Variants in RALGAPA1 observed in about 807,000 individuals in gnomAD.
RALGAPA1 encodes ral GTPase-activating protein subunit alpha-1.
In RALGAPA1, 52 loss-of-function variants were observed where a neutral mutation model predicts 269.6. That is an observed-to-expected ratio of 0.19 (90% confidence interval 0.15 to 0.24). RALGAPA1 has a LOEUF of 0.24. Among genes scored for constraint, RALGAPA1 ranks in the 10% least tolerant of loss-of-function variants. The probability of loss-of-function intolerance (pLI) is 1.00; values close to 1 mark genes in which losing one functional copy is unlikely to be tolerated. For synonymous variants in RALGAPA1, 817 were observed against 1,008.3 expected, an observed-to-expected ratio of 0.81 and a Z score of 3.60; for missense variants, 1,917 against 3,013.9, an observed-to-expected ratio of 0.64 and a Z score of 8.52.
At chr14:35,749,291 A>C (rs1429996630) in intron 9 of RALGAPA1, among the ~76,000 whole-genome samples, 10 of 152,180 alleles carry the variant, frequency 6.6e-5, no homozygotes, top group Non-Finnish European at 7.4e-5. Flanking sequence ...CAAAACAAAA[A>C]ACAAAGGAAC....
chr14:35,674,588 A>G lies in RALGAPA1; in HGVS notation c.4746T>C (p.Asn1582=), dbSNP rs776817851. ...CATGTATTTCAGGATCCATGATTGAATTTACATCTCCCAAAATGCCTAGCA... is the reference window on the plus strand; with the variant it reads ...CATGTATTTCAGGATCCATGATTGAGTTTACATCTCCCAAAATGCCTAGCA... ...RRMLGILGDV[N]SIMDPEIHAQ... is the part of the protein sequence containing the mutation. The change falls in exon 23 of 42, where the codon AAT becomes AAC. Residue 1582 remains asparagine (N), a synonymous_variant. Transcript: ENST00000680220. The G allele has an allele frequency of 1.9e-6, 3 of 1,609,166 alleles. No individual in the cohort carries two copies. Among genetic ancestry groups the G allele is most frequent in the South Asian group, 2.2e-5 (2 of 90,024 alleles).
At chr14:35,722,965 G>A in intron 15 of RALGAPA1, 62 bp downstream of exon 15, 1 of 971,694 alleles carries the variant, frequency 1.0e-6, no homozygotes, top group South Asian at 1.8e-5. Context: ...CCCTGGAATG[G>A]TTTTCCCTGA....
chr14:35,682,861 G>T (rs1035041927), intron 21 of RALGAPA1, among the ~76,000 whole-genome samples: 1 of 152,038 alleles, frequency 6.6e-6, no homozygotes, highest in Non-Finnish European at 1.5e-5. Context: ...TTCTGCAATG[G>T]GGCTGCTAAA....
At chr14:35,645,886 G>A (rs2062406195) in intron 31 of RALGAPA1, among the ~76,000 whole-genome samples, 1 of 152,078 alleles carries the variant, frequency 6.6e-6, no homozygotes, top group African/African-American at 2.4e-5. Context: ...AGTGAGTCTG[G>A]AAAATTGTGT....
chr14:35,586,193 G>T (rs2058273216), intron 37 of RALGAPA1, among the ~76,000 whole-genome samples: 1 of 152,098 alleles, frequency 6.6e-6, no homozygotes, highest in Non-Finnish European at 1.5e-5. Context: ...GATTCCTAAG[G>T]TATTTTATTC....
intron 12 of RALGAPA1, among the ~76,000 whole-genome samples, chr14:35,733,188 A>G (rs2070664327): frequency 6.6e-6 from 1 of 152,142 alleles, no homozygotes; most frequent in Admixed American, 6.5e-5. Context: ...AAATTTAAAA[A>G]TTCTTCTGGC....
At chr14:35,682,356 A>G (rs2065516617) in intron 21 of RALGAPA1, among the ~76,000 whole-genome samples, 1 of 150,932 alleles carries the variant, frequency 6.6e-6, no homozygotes, top group African/African-American at 2.4e-5. Context: ...GCTGGAGTGC[A>G]GTGGTGTGAT....
chr14:35,736,270 C>A (rs1284991792), intron 12 of RALGAPA1, among the ~76,000 whole-genome samples: 1 of 152,130 alleles, frequency 6.6e-6, no homozygotes, highest in African/African-American at 2.4e-5. Flanking sequence ...ACAAGGAAGA[C>A]TGCAGGAAAA....
In RALGAPA1 at chr14:35,651,877, T is replaced by C. The variant is rs1353704470; in HGVS notation, c.5608-4A>G. ...GGGTGATGGTAGCTATTAGGATCTG[T>C]AAGCAAAAAAAAATTTTTTTAAAAG... On this transcript the variant is annotated splice_region_variant and splice_polypyrimidine_tract_variant and intron_variant, in intron 30 of 41. Transcript: ENST00000680220. 6.8e-7 allele frequency: 1 copy of C among 1,469,218 alleles called. No homozygotes were observed. The highest frequency in any genetic ancestry group is 8.9e-7 in the Non-Finnish European group (1 of 1,118,510). The allele number at this position is 1,469,218 out of a possible 1,614,324, so 91.0% of individuals were successfully genotyped here. A position where few individuals can be genotyped will look rare whatever the true frequency, so the allele number is the denominator to read the frequency against.
chr14:35,808,235 G>C (rs1010275907), intron 1 of RALGAPA1, among the ~76,000 whole-genome samples: 1 of 152,154 alleles, frequency 6.6e-6, no homozygotes, highest in Non-Finnish European at 1.5e-5. Context: ...ATTAACAAAA[G>C]GGCGGGGCTC....
chr14:35,636,105 C>T (rs1262334129), intron 31 of RALGAPA1, among the ~76,000 whole-genome samples: 1 of 151,994 alleles, frequency 6.6e-6, no homozygotes. Context: ...GAGAGGGAGT[C>T]TTGCTATATT....
At chr14:35,624,351 G>A (rs973094152) in intron 35 of RALGAPA1, among the ~76,000 whole-genome samples, 1 of 151,888 alleles carries the variant, frequency 6.6e-6, no homozygotes, top group African/African-American at 2.4e-5. Context: ...GAAATTACAG[G>A]AAGTGAGTAA....
intron 7 of RALGAPA1, among the ~76,000 whole-genome samples, chr14:35,754,436 T>C (rs969145754): frequency 7.2e-5 from 11 of 152,102 alleles, no homozygotes; most frequent in Admixed American, 5.9e-4. Flanking sequence ...ACCCAAGATA[T>C]ATGGATGAAA....
chr14:35,751,258 A>G (rs1391036762), intron 8 of RALGAPA1, among the ~76,000 whole-genome samples: 2 of 152,212 alleles, frequency 1.3e-5, no homozygotes, highest in Non-Finnish European at 2.9e-5. Flanking sequence ...TTACTTTTGC[A>G]CCAATCTATA....
intron 4 of RALGAPA1, chr14:35,766,220 A>C (rs1255813116): frequency 3.7e-6 from 3 of 815,040 alleles, no homozygotes; most frequent in Admixed American, 1.7e-5. Flanking sequence ...ATTTGATGGA[A>C]GTGCAAGGAA....
At chr14:35,573,140 T>G (rs1467864626) in intron 37 of RALGAPA1, among the ~76,000 whole-genome samples, 2 of 152,172 alleles carry the variant, frequency 1.3e-5, no homozygotes, top group African/African-American at 4.8e-5. Context: ...CCCATGAAAC[T>G]CAAAAATTCT....
chr14:35,785,723 C>A (rs531837967), intron 1 of RALGAPA1, among the ~76,000 whole-genome samples: 3 of 152,154 alleles, frequency 2.0e-5, no homozygotes, highest in Admixed American at 2.0e-4. Context: ...TAAGACAAGT[C>A]CACTAATCAC....
intron 31 of RALGAPA1, among the ~76,000 whole-genome samples, chr14:35,640,703 C>T (rs969826995): frequency 8.5e-5 from 13 of 152,104 alleles, no homozygotes; most frequent in African/African-American, 2.9e-4. Context: ...TTCTGAAAAA[C>T]AGAGGAGGAA....
At chr14:35,676,586 A>C (rs1229428953) in intron 22 of RALGAPA1, 1 of 152,232 alleles carries the variant, frequency 6.6e-6, no homozygotes, top group Non-Finnish European at 1.5e-5. Context: ...TTGAGGACTT[A>C]CGACTATAGA....
Sources: gnomAD v4.1 joint callset for allele counts (sites outside exome capture counted in the v4.1 genomes callset) on GRCh38, gnomAD v4.1.1 for gene constraint, MANE v1.5 for transcripts, NCBI Gene and HGNC (gene_info 2026-07-23, HGNC 2026-07-21) for gene names.